The following GRID1 variants were observed in gnomAD, a reference collection of about 807,000 sequenced individuals.
GRID1 encodes glutamate receptor ionotropic, delta-1.
A neutral mutation model predicts 98.0 loss-of-function variants in GRID1; 28 were observed. The observed-to-expected ratio is 0.29, with a 90% confidence interval of 0.21 to 0.39. GRID1 has a LOEUF of 0.39. GRID1 is among the 10% of genes least tolerant of loss of function. The pLI is 1.00. For synonymous variants in GRID1, 553 were observed against 538.5 expected (o/e 1.03, Z -0.37); for missense variants, 1,111 against 1,340.5 (o/e 0.83, Z 2.67).
At chr10:85,674,812 A>G (rs770575302) in intron 12 of GRID1, among the ~76,000 whole-genome samples, 1 of 152,142 alleles carries the variant, frequency 6.6e-6, no homozygotes, top group Non-Finnish European at 1.5e-5. Flanking sequence ...GAGAAGCTCA[A>G]TCATTATTAA....
chr10:85,646,766 T>C (rs763834607), intron 13 of GRID1: 22 of 210,202 alleles, frequency 1.0e-4, no homozygotes, highest in Non-Finnish European at 1.7e-4. Context: ...CCTTACCCCC[T>C]TTCCCCGTAT....
intron 2 of GRID1, among the ~76,000 whole-genome samples, chr10:86,255,978 G>C (rs995502048): frequency 9.9e-5 from 15 of 152,202 alleles, no homozygotes; most frequent in Non-Finnish European, 1.9e-4. Flanking sequence ...CTCCTGGAGA[G>C]GATCCCAGGG....
At chr10:85,810,899 C>T (rs1196918607) in intron 8 of GRID1, among the ~76,000 whole-genome samples, 1 of 152,092 alleles carries the variant, frequency 6.6e-6, no homozygotes, top group Admixed American at 6.6e-5. Flanking sequence ...AGACCCTGAC[C>T]CCGGTGAGCC....
chr10:85,992,964 C>A (rs1355375107), intron 4 of GRID1, among the ~76,000 whole-genome samples: 1 of 151,854 alleles, frequency 6.6e-6, no homozygotes, highest in Admixed American at 6.6e-5. Flanking sequence ...TAAAAAATAA[C>A]AATTTTAGAA....
At chr10:86,180,002 C>T (rs1045448550) in intron 3 of GRID1, among the ~76,000 whole-genome samples, 4 of 152,196 alleles carry the variant, frequency 2.6e-5, no homozygotes, top group African/African-American at 7.2e-5. Flanking sequence ...TTGCAGAGGC[C>T]TGAGGCACCA....
At chr10:86,226,069 G>A (rs1034297631) in intron 2 of GRID1, among the ~76,000 whole-genome samples, 6 of 151,994 alleles carry the variant, frequency 3.9e-5, no homozygotes, top group African/African-American at 1.5e-4. Context: ...TAGGCTGATG[G>A]GGCAAAGGAC....
chr10:86,276,851 A>G (rs919130636), intron 2 of GRID1, among the ~76,000 whole-genome samples: 3 of 151,528 alleles, frequency 2.0e-5, no homozygotes, highest in Non-Finnish European at 3.0e-5. Context: ...GTGGGACGAC[A>G]TATTTCAAGT....
chr10:86,320,302 A>G (rs1847952222), intron 2 of GRID1, among the ~76,000 whole-genome samples: 1 of 152,246 alleles, frequency 6.6e-6, no homozygotes. Flanking sequence ...ATTACTGTGC[A>G]TTCCCAAACA....
At chr10:85,707,157 C>T (rs1841529998) in intron 12 of GRID1, among the ~76,000 whole-genome samples, 1 of 152,086 alleles carries the variant, frequency 6.6e-6, no homozygotes, top group African/African-American at 2.4e-5. Context: ...AAAGAAACTA[C>T]CATCAGAGTG....
At chr10:86,176,064 C>G (rs1240528156) in intron 3 of GRID1, among the ~76,000 whole-genome samples, 1 of 152,096 alleles carries the variant, frequency 6.6e-6, no homozygotes, top group Non-Finnish European at 1.5e-5. Flanking sequence ...AGGCTGGTCT[C>G]GAACCCCTGA....
intron 3 of GRID1, among the ~76,000 whole-genome samples, chr10:86,145,140 T>G (rs1845067034): frequency 6.6e-6 from 1 of 152,256 alleles, no homozygotes; most frequent in Non-Finnish European, 1.5e-5. Flanking sequence ...GTCAATCAAG[T>G]TGCAAACAAA....
chr10:86,003,414 GAAGT>G (rs1334962418), intron 4 of GRID1, among the ~76,000 whole-genome samples: 1 of 152,222 alleles, frequency 6.6e-6, no homozygotes, highest in East Asian at 1.9e-4. Context: ...TCAAAAACAA[GAAGT>G]ATTTTTAATT....
At chr10:86,273,407 T>C (rs1454470978) in intron 2 of GRID1, among the ~76,000 whole-genome samples, 2 of 147,192 alleles carry the variant, frequency 1.4e-5, no homozygotes, top group Non-Finnish European at 3.0e-5. Context: ...GCATGATTTA[T>C]AGTCCTTTGG....
intron 4 of GRID1, among the ~76,000 whole-genome samples, chr10:86,084,471 T>C (rs1378405403): frequency 6.6e-6 from 1 of 152,190 alleles, no homozygotes; most frequent in African/African-American, 2.4e-5. Flanking sequence ...TAGAAAACAG[T>C]ACGGCAATTC....
At chr10:86,344,426 G>A (rs1259856992) in intron 2 of GRID1, among the ~76,000 whole-genome samples, 2 of 152,096 alleles carry the variant, frequency 1.3e-5, no homozygotes, top group Non-Finnish European at 2.9e-5. Flanking sequence ...CAGAGACTTC[G>A]CCCTATCCCA....
chr10:85,774,529 T>G (rs1490218516), intron 8 of GRID1, among the ~76,000 whole-genome samples: 1 of 150,856 alleles, frequency 6.6e-6, no homozygotes, highest in African/African-American at 2.4e-5. Flanking sequence ...ACCATCAGAG[T>G]GAACAGGCAA....
At chr10:86,293,423 T>C (rs1223845949) in intron 2 of GRID1, among the ~76,000 whole-genome samples, 2 of 152,312 alleles carry the variant, frequency 1.3e-5, no homozygotes, top group East Asian at 1.9e-4. Context: ...AGGAACTTCC[T>C]AGCGCCAGCA....
intron 2 of GRID1, among the ~76,000 whole-genome samples, chr10:86,317,564 T>C (rs970041397): frequency 6.6e-6 from 1 of 152,020 alleles, no homozygotes. Context: ...CCACTTCTGC[T>C]GGGATGGCAG....
intron 2 of GRID1, among the ~76,000 whole-genome samples, chr10:86,343,854 A>C (rs773182594): frequency 2.0e-5 from 3 of 152,254 alleles, no homozygotes; most frequent in Non-Finnish European, 4.4e-5. Flanking sequence ...TGTGTATTTC[A>C]GTCTGAACTG....
Sources: allele counts gnomAD v4.1 joint callset (sites outside exome capture counted in the v4.1 genomes callset), GRCh38; gene constraint gnomAD v4.1.1; transcripts MANE v1.5; gene names NCBI Gene and HGNC (gene_info 2026-07-23, HGNC 2026-07-21).